Variants in EXT1 observed in about 807,000 individuals in gnomAD.
EXT1 encodes the protein exostosin-1.
Under a neutral mutation model 82.5 loss-of-function variants are expected in EXT1, and 20 were observed. The observed-to-expected ratio is 0.24, with a 90% CI of 0.17 to 0.35. The LOEUF (loss-of-function observed/expected upper bound fraction) is 0.35, where lower values mean the gene tolerates loss of function less well. Among genes scored for constraint, EXT1 ranks in the 10% least tolerant of loss-of-function variants. The pLI is 1.00. For missense variants in EXT1, 757 were observed against 936.5 expected (o/e 0.81, Z 2.50); for synonymous variants, 348 against 350.8 (o/e 0.99, Z 0.09).
chr8:117,842,064 G>GT (rs1318498992), intron 1 of EXT1, among the ~76,000 whole-genome samples: 3 of 152,214 alleles, frequency 2.0e-5, no homozygotes, highest in Non-Finnish European at 4.4e-5. Flanking sequence ...AGAATTCTGT[G>GT]TTTTAACAAG....
At chr8:117,965,450 A>G (rs1814789014) in intron 1 of EXT1, among the ~76,000 whole-genome samples, 1 of 152,106 alleles carries the variant, frequency 6.6e-6, no homozygotes, top group Non-Finnish European at 1.5e-5. Flanking sequence ...ACTAAAAACA[A>G]GGGGGAATTA....
intron 1 of EXT1, among the ~76,000 whole-genome samples, chr8:117,932,293 A>T (rs1213289622): frequency 6.6e-6 from 1 of 152,156 alleles, no homozygotes; most frequent in Non-Finnish European, 1.5e-5. Flanking sequence ...ATTCAACTTA[A>T]CCAAATGCTG....
chr8:117,955,649 G>A (rs145319740), intron 1 of EXT1, among the ~76,000 whole-genome samples: 283 of 152,088 alleles, frequency 1.9e-3, no homozygotes, highest in African/African-American at 6.5e-3. Context: ...TCCACCTCCC[G>A]GGTTCAAGCG....
At chr8:117,805,276 T>C (rs535098093) in intron 9 of EXT1, among the ~76,000 whole-genome samples, 27 of 152,226 alleles carry the variant, frequency 1.8e-4, no homozygotes, top group Non-Finnish European at 2.8e-4. Context: ...CAAGATAAGT[T>C]ATTTACACAT....
At chr8:117,848,945 C>G in intron 1 of EXT1, among the ~76,000 whole-genome samples, 1 of 152,256 alleles carries the variant, frequency 6.6e-6, no homozygotes, top group South Asian at 2.1e-4. Flanking sequence ...AATAATCATG[C>G]CCTACACCTT....
rs569670138 is a variant in EXT1, at chr8:117,973,155, G to A, written c.963-135954C>T. Among the ~76,000 whole-genome samples the A allele has an allele frequency of 4.5e-4, 69 of 152,320 alleles. 1 individual carries two copies. In the South Asian group the frequency reaches 0.013, roughly 29 times the overall value. On this transcript the variant is annotated intron_variant, in intron 1 of 10. Transcript: ENST00000378204. The stretch of plus-strand genomic sequence containing the variant: ...AGTGCTGGTGTTTCTGTGTGGAAGT[G>A]AAATCTCTCTGGATACCCCTCCTTG...
chr8:117,888,833 TCTG>T (rs1336858421), intron 1 of EXT1, among the ~76,000 whole-genome samples: 1 of 152,204 alleles, frequency 6.6e-6, no homozygotes, highest in Non-Finnish European at 1.5e-5. Flanking sequence ...GCACTTACCT[TCTG>T]CTCCCTTAAC....
chr8:117,867,241 A>G (rs1392168193), intron 1 of EXT1, among the ~76,000 whole-genome samples: 3 of 129,238 alleles, frequency 2.3e-5, no homozygotes, highest in Non-Finnish European at 4.9e-5. Context: ...CCTGGGCGAC[A>G]GAGTGAGACT....
At chr8:118,104,652 G>T (rs996538825) in intron 1 of EXT1, among the ~76,000 whole-genome samples, 1 of 152,150 alleles carries the variant, frequency 6.6e-6, no homozygotes. Context: ...TCAAATTTTG[G>T]ATTTTTTTAG....
chr8:118,097,415 C>A (rs1817640977), intron 1 of EXT1, among the ~76,000 whole-genome samples: 1 of 152,046 alleles, frequency 6.6e-6, no homozygotes, highest in South Asian at 2.1e-4. Flanking sequence ...CCACTGCACT[C>A]CAGCCTGGGC....
At chr8:117,907,626 C>T (rs1813566878) in intron 1 of EXT1, among the ~76,000 whole-genome samples, 1 of 152,176 alleles carries the variant, frequency 6.6e-6, no homozygotes, top group South Asian at 2.1e-4. Context: ...GGAATATGCT[C>T]TCACTTTGCT....
intron 5 of EXT1, among the ~76,000 whole-genome samples, chr8:117,820,995 C>T (rs1228001579): frequency 6.6e-6 from 1 of 152,150 alleles, no homozygotes; most frequent in Non-Finnish European, 1.5e-5. Context: ...ATGGCTTCCC[C>T]CCAAGGAGTT....
chr8:118,040,770 G>A (rs1485378376), intron 1 of EXT1, among the ~76,000 whole-genome samples: 4 of 152,202 alleles, frequency 2.6e-5, no homozygotes, highest in Non-Finnish European at 5.9e-5. Flanking sequence ...GGTGCACAAG[G>A]TCTTAGAAAA....
chr8:117,879,049 CTT>C (rs1465053582), intron 1 of EXT1, among the ~76,000 whole-genome samples: 1 of 152,170 alleles, frequency 6.6e-6, no homozygotes, highest in Non-Finnish European at 1.5e-5. Flanking sequence ...GCACAGGTGA[CTT>C]GAGCTCTCAT....
At chr8:118,025,271 T>C (rs1281510448) in intron 1 of EXT1, among the ~76,000 whole-genome samples, 3 of 152,220 alleles carry the variant, frequency 2.0e-5, no homozygotes, top group South Asian at 2.1e-4. Context: ...CTCACCGCTG[T>C]GGGCTTCACC....
At chr8:117,827,962 A>G (rs1209440069) in intron 4 of EXT1, among the ~76,000 whole-genome samples, 2 of 152,140 alleles carry the variant, frequency 1.3e-5, no homozygotes, top group Middle Eastern at 3.4e-3. Flanking sequence ...AAACAACTGG[A>G]ATCTACCCAA....
intron 1 of EXT1, among the ~76,000 whole-genome samples, chr8:118,093,488 G>A (rs1443238116): frequency 2.0e-5 from 3 of 152,086 alleles, no homozygotes; most frequent in Admixed American, 2.0e-4. Flanking sequence ...AGAACCCTCT[G>A]TATAATTCTG....
intron 1 of EXT1, among the ~76,000 whole-genome samples, chr8:117,964,801 C>T (rs970002274): frequency 2.0e-5 from 3 of 152,074 alleles, no homozygotes; most frequent in African/African-American, 7.2e-5. Context: ...CCATGCCTGG[C>T]TAATTTTTGT....
At chr8:118,100,650 G>A (rs563231276) in intron 1 of EXT1, among the ~76,000 whole-genome samples, 52 of 152,202 alleles carry the variant, frequency 3.4e-4, no homozygotes, top group African/African-American at 1.2e-3. Context: ...GGAGGCTGAG[G>A]CAGCAGAATC....
Sources: allele counts gnomAD v4.1 joint callset (sites outside exome capture counted in the v4.1 genomes callset), GRCh38; gene constraint gnomAD v4.1.1; transcripts MANE v1.5; gene names NCBI Gene and HGNC (gene_info 2026-07-23, HGNC 2026-07-21).